FAM53B: variants seen among roughly 807,000 people sequenced by gnomAD.
The protein encoded by FAM53B is family with sequence similarity 53 member B.
Under a neutral mutation model 32.7 loss-of-function variants are expected in FAM53B, and 12 were observed. The observed-to-expected ratio is 0.37, with a 90% CI of 0.24 to 0.59. The LOEUF (loss-of-function observed/expected upper bound fraction) is 0.59. Among genes scored for constraint, FAM53B ranks in the 20% least tolerant of loss-of-function variants. The pLI, the probability that FAM53B is intolerant of heterozygous loss-of-function variation, is 0.72. For missense variants in FAM53B, 477 were observed against 577.7 expected, an observed-to-expected ratio of 0.83 and a Z score of 1.79; for synonymous variants, 234 against 228.7, an observed-to-expected ratio of 1.02 and a Z score of -0.21.
chr10:124,680,893 C>T (rs566803863), intron 4 of FAM53B, among the ~76,000 whole-genome samples: 44 of 152,356 alleles, frequency 2.9e-4, no homozygotes, highest in African/African-American at 1.0e-3. Flanking sequence ...ATGCAGCCAA[C>T]TCTCGGGCTC....
rs199511257 is a variant in FAM53B at position 124,620,363 on chromosome 10, CA to C, written c.*2878del. Reference sequence around the variant, plus strand: ...GGTGCATGTGGCACTAAGCCCCCCCCACCGCCCCGGCTTTCCTGCAGGCTTA... The same window carrying C: ...GGTGCATGTGGCACTAAGCCCCCCCCCCGCCCCGGCTTTCCTGCAGGCTTA... On this transcript the variant is annotated 3_prime_UTR_variant, in exon 5 of 5. Transcript: ENST00000337318. 198 of 146,366 alleles carry C rather than the reference CA, an allele frequency of 1.4e-3. 7 individuals are homozygous for C. The Middle Eastern group carries it at 0.014, about 10-fold the overall frequency. 9.1% of individuals were successfully genotyped at this position (146,366 alleles called of 1,614,324 possible). A position where few individuals can be genotyped will look rare whatever the true frequency, so the allele number is the denominator to read the frequency against.
intron 4 of FAM53B, among the ~76,000 whole-genome samples, chr10:124,666,802 C>A (rs1344901368): frequency 6.6e-6 from 1 of 152,246 alleles, no homozygotes; most frequent in East Asian, 1.9e-4. Context: ...GAGGGTGGAG[C>A]AGGTGAGCCC....
In FAM53B at chr10:124,621,448, G is replaced by A. The variant is rs1222950528; in HGVS notation, c.*1794C>T. The A allele has an allele frequency of 3.3e-5, 5 of 152,276 alleles. No individual in the cohort carries two copies. Among genetic ancestry groups the A allele is most frequent in the African/African-American group, 9.6e-5 (4 of 41,468 alleles). The allele number at this position is 152,276 out of a possible 1,614,324, so 9.4% of individuals were successfully genotyped here. A position where few individuals can be genotyped will look rare whatever the true frequency, so the allele number is the denominator to read the frequency against. ...AGACATGCCTCCGGCAGGAGCTACA[G>A]CAACCAGAGGTGAGCTGGTTCCCCG... On this transcript the variant is annotated 3_prime_UTR_variant, in exon 5 of 5. Transcript: ENST00000337318.
At chr10:124,701,681 G>A (rs1364500688) in intron 2 of FAM53B, among the ~76,000 whole-genome samples, 2 of 152,238 alleles carry the variant, frequency 1.3e-5, no homozygotes, top group Non-Finnish European at 2.9e-5. Flanking sequence ...CCACTCAGCA[G>A]AGGAAGGCAC....
chr10:124,656,863 G>A (rs923868183), intron 4 of FAM53B, among the ~76,000 whole-genome samples: 2 of 151,884 alleles, frequency 1.3e-5, no homozygotes, highest in Non-Finnish European at 2.9e-5. Flanking sequence ...CACAGGAAGG[G>A]GAACATCACA....
intron 4 of FAM53B, among the ~76,000 whole-genome samples, chr10:124,676,520 C>T (rs940676095): frequency 2.6e-5 from 4 of 152,208 alleles, no homozygotes; most frequent in Admixed American, 2.6e-4. Flanking sequence ...GGGGTGCCAG[C>T]GCAAGAAGTC....
chr10:124,690,383 G>A (rs1258250984), intron 3 of FAM53B, among the ~76,000 whole-genome samples: 1 of 152,342 alleles, frequency 6.6e-6, no homozygotes, highest in East Asian at 1.9e-4. Flanking sequence ...GAGCCCAGAC[G>A]TCAACCTAGT....
At chr10:124,726,061 C>G (rs920819765) in intron 1 of FAM53B, among the ~76,000 whole-genome samples, 3 of 152,112 alleles carry the variant, frequency 2.0e-5, no homozygotes, top group African/African-American at 7.2e-5. Flanking sequence ...GTCCCCGACC[C>G]CAGACAAACT....
chr10:124,642,586 C>T (rs771886477), intron 4 of FAM53B, among the ~76,000 whole-genome samples: 6 of 152,238 alleles, frequency 3.9e-5, no homozygotes, highest in South Asian at 2.1e-4. Flanking sequence ...TGCCATCCTT[C>T]GGCAGCAATG....
At chr10:124,630,631 G>C (rs1282433695) in intron 4 of FAM53B, among the ~76,000 whole-genome samples, 1 of 152,218 alleles carries the variant, frequency 6.6e-6, no homozygotes, top group Non-Finnish European at 1.5e-5. Context: ...AGGTACTCCA[G>C]GGCCCTGGAA....
At chr10:124,636,562 G>A (rs1385606458) in intron 4 of FAM53B, among the ~76,000 whole-genome samples, 2 of 152,162 alleles carry the variant, frequency 1.3e-5, no homozygotes, top group Non-Finnish European at 2.9e-5. Context: ...CTGTTTTGCT[G>A]TACAGAGGTT....
intron 4 of FAM53B, among the ~76,000 whole-genome samples, chr10:124,633,712 T>C (rs1184215792): frequency 1.3e-5 from 2 of 152,102 alleles, no homozygotes; most frequent in African/African-American, 2.4e-5. Context: ...TCTCAACAGA[T>C]GGTACTGAAA....
chr10:124,623,227 T>C lies in FAM53B; in HGVS notation c.*15A>G. 6.4e-7 allele frequency: 1 copy of C among 1,571,432 alleles called. No individual in the cohort carries two copies. Among genetic ancestry groups the C allele is most frequent in the Non-Finnish European group, 8.6e-7 (1 of 1,156,998 alleles). On this transcript the variant is annotated 3_prime_UTR_variant, in exon 5 of 5. Coordinates refer to ENST00000337318, the MANE Select transcript of FAM53B (RefSeq NM_014661.4). Reference sequence around the variant, plus strand: ...GATGCCAGCACACCCCAGCCCTGCCTGGGCCCACACCCCCTCAGTTCTTCT... The same window carrying C: ...GATGCCAGCACACCCCAGCCCTGCCCGGGCCCACACCCCCTCAGTTCTTCT...
chr10:124,629,638 A>G (rs1037841291), intron 4 of FAM53B, among the ~76,000 whole-genome samples: 1 of 152,206 alleles, frequency 6.6e-6, no homozygotes, highest in Non-Finnish European at 1.5e-5. Flanking sequence ...TTCTCCAAGT[A>G]TCAAGAAAAC....
At chr10:124,700,219 A>C (rs994008304) in intron 2 of FAM53B, among the ~76,000 whole-genome samples, 1 of 152,190 alleles carries the variant, frequency 6.6e-6, no homozygotes, top group Non-Finnish European at 1.5e-5. Context: ...GCTTGGCTCT[A>C]GGTTGGCCAG....
intron 2 of FAM53B, among the ~76,000 whole-genome samples, chr10:124,702,427 C>G (rs776310172): frequency 4.6e-5 from 7 of 152,220 alleles, no homozygotes; most frequent in Non-Finnish European, 7.3e-5. Context: ...CACATTCTGT[C>G]CCGTGGATGT....
At position 124,620,355 on chromosome 10, in the gene FAM53B, G is replaced by GCACCCCCCCC. The variant is rs139972068; in HGVS notation, c.*2886_*2887insGGGGGGGGTG. 1 of 130,714 alleles carries GCACCCCCCCC rather than the reference G, an allele frequency of 7.7e-6. No individual in the cohort carries two copies. The highest frequency in any genetic ancestry group is 2.9e-5 in the African/African-American group (1 of 33,938). 8.1% of individuals were successfully genotyped at this position (130,714 alleles called of 1,614,324 possible). A position where few individuals can be genotyped will look rare whatever the true frequency, so the allele number is the denominator to read the frequency against. On this transcript the variant is annotated 3_prime_UTR_variant, in exon 5 of 5. Transcript: ENST00000337318. ...ATGAGTGGGGTGCATGTGGCACTAAGCCCCCCCCACCGCCCCGGCTTTCCT... is the reference window on the plus strand; with the variant it reads ...ATGAGTGGGGTGCATGTGGCACTAAGCACCCCCCCCCCCCCCCCACCGCCCCGGCTTTCCT...
intron 4 of FAM53B, among the ~76,000 whole-genome samples, chr10:124,659,327 G>A (rs963173645): frequency 5.3e-5 from 8 of 152,258 alleles, no homozygotes; most frequent in Admixed American, 3.3e-4. Context: ...TAAAGGGAGA[G>A]ATACAACTGA....
chr10:124,665,386 A>G (rs543155418), intron 4 of FAM53B, among the ~76,000 whole-genome samples: 112 of 152,276 alleles, frequency 7.4e-4, no homozygotes, highest in Non-Finnish European at 1.2e-3. Context: ...AGGAACATCT[A>G]TGTGCCTGTG....
Sources: allele counts gnomAD v4.1 joint callset (sites outside exome capture counted in the v4.1 genomes callset), GRCh38; gene constraint gnomAD v4.1.1; transcripts MANE v1.5; gene names NCBI Gene and HGNC (gene_info 2026-07-23, HGNC 2026-07-21).